GRB2: variants seen among roughly 807,000 people sequenced by gnomAD.
GRB2 encodes growth factor receptor bound protein 2, also known as growth factor receptor-bound protein 2.
In GRB2, 2 loss-of-function variants were observed where a neutral mutation model predicts 27.4. The ratio of observed to expected loss-of-function variants is 0.07; its 90% CI spans 0.03 to 0.23. GRB2 has a LOEUF of 0.23. GRB2 is among the 10% of genes least tolerant of loss of function. The pLI is 1.00. For missense variants in GRB2, 102 were observed against 282.4 expected (o/e 0.36, Z 4.58); for synonymous variants, 94 against 99.6 (o/e 0.94, Z 0.33).
rs143701820 is a variant in GRB2, at chr17:75,325,724, G to A, written c.299+174C>T. ...GTCCACATGGGAATCTACATCCAGT[G>A]CTTCTAGAACTCATTTTGAGAGGAG... is the stretch of plus-strand genomic sequence containing the variant. On this transcript the variant is annotated intron_variant, in intron 4 of 5. Transcript: ENST00000316804. 8.9e-3 allele frequency among the ~76,000 whole-genome samples: 1,353 copies of A among 152,316 alleles called. 17 individuals carry two copies. Among genetic ancestry groups the A allele is most frequent in the African/African-American group, 0.031 (1,271 of 41,556 alleles).
intron 4 of GRB2, 55 bp downstream of exon 4, chr17:75,325,843 C>A (rs2078495406): frequency 6.3e-7 from 1 of 1,598,062 alleles, no homozygotes; most frequent in Non-Finnish European, 8.6e-7. Flanking sequence ...AACGGCTTCA[C>A]AATTTGGATC....
chr17:75,401,382 T>G (rs1428762429), intron 1 of GRB2, among the ~76,000 whole-genome samples: 2 of 147,236 alleles, frequency 1.4e-5, no homozygotes, highest in Non-Finnish European at 3.0e-5. Context: ...GAAGCGGAGC[T>G]TGCAGTGAGC....
rs545327684 is a variant in GRB2 at position 75,389,426 on chromosome 17, ATAC to A, written c.78+4122_78+4124del. Among the ~76,000 whole-genome samples the A allele has an allele frequency of 1.6e-4, 24 of 152,342 alleles. No individual in the cohort carries two copies. The South Asian group carries it at 3.5e-3, about 22-fold the overall frequency. ...CAACCCGACTCAAGTATACCATCAA[ATAC>A]TACTAAGAATCACTACTACAAATCA... On this transcript the variant is annotated intron_variant, in intron 2 of 5. Transcript: ENST00000316804.
intron 2 of GRB2, among the ~76,000 whole-genome samples, chr17:75,336,988 T>C (rs2078581645): frequency 6.6e-6 from 1 of 152,234 alleles, no homozygotes; most frequent in African/African-American, 2.4e-5. Context: ...TCCACCTACC[T>C]TGGCCTCTCA....
chr17:75,369,754 G>A (rs1192327443), intron 2 of GRB2, among the ~76,000 whole-genome samples: 1 of 151,328 alleles, frequency 6.6e-6, no homozygotes, highest in East Asian at 1.9e-4. Flanking sequence ...CAGCTACTCA[G>A]GAGGCCGAGA....
At position 75,362,052 on chromosome 17, in the gene GRB2, A is replaced by G. The variant is rs928673520; in HGVS notation, c.79-29255T>C. ...AGAACCACATACATTGTGCCATAAT[A>G]ATCCTAAGAGTACCCACTGGCATTC... On this transcript the variant is annotated intron_variant, in intron 2 of 5. Coordinates refer to ENST00000316804, the MANE Select transcript of GRB2 (RefSeq NM_002086.5). Among the ~76,000 whole-genome samples the G allele has an allele frequency of 3.3e-5, 5 of 152,104 alleles. No homozygotes were observed. In the East Asian group the frequency reaches 7.7e-4, roughly 23 times the overall value.
chr17:75,358,289 A>T (rs1418650892), intron 2 of GRB2, among the ~76,000 whole-genome samples: 2 of 152,314 alleles, frequency 1.3e-5, no homozygotes, highest in Admixed American at 6.5e-5. Context: ...ATTTTACCTA[A>T]ATTGTTAGAA....
At chr17:75,324,366 A>AT (rs1156329058) in intron 4 of GRB2, among the ~76,000 whole-genome samples, 5,928 of 93,610 alleles carry the variant, frequency 0.063, 183 homozygotes, top group Non-Finnish European at 0.096. Flanking sequence ...CCATTTTTGT[A>AT]TTTTTTTTTT....
rs73996043 is a variant in GRB2, at chr17:75,369,118, T to G, written c.78+24433A>C. Among the ~76,000 whole-genome samples, 496 of 152,344 alleles carry G rather than the reference T, an allele frequency of 3.3e-3. 1 individual carries two copies. Among genetic ancestry groups the G allele is most frequent in the African/African-American group, 0.011 (462 of 41,584 alleles). ...GAACCCAGATAAGCTGGCTCCAGCC[T>G]AGGTCCTCTGTATCTGGCCTCTCCC... On this transcript the variant is annotated intron_variant, in intron 2 of 5. Coordinates refer to ENST00000316804, the MANE Select transcript of GRB2 (RefSeq NM_002086.5).
intron 2 of GRB2, among the ~76,000 whole-genome samples, chr17:75,366,952 C>A (rs2078823849): frequency 1.3e-5 from 2 of 151,658 alleles, no homozygotes; most frequent in Admixed American, 1.3e-4. Flanking sequence ...TATATACTAA[C>A]AAAAACTCAA....
chr17:75,393,731 A>G lies in GRB2; in HGVS notation c.-103T>C, dbSNP rs1333199139. On this transcript the variant is annotated 5_prime_UTR_variant, in exon 2 of 6. Transcript: ENST00000316804. Reference sequence around the variant, plus strand: ...GGCTTAGCCTCGCCTCTCTTCTGGGACTCGCTCCGGCACTCTGGGACACAC... The same window carrying G: ...GGCTTAGCCTCGCCTCTCTTCTGGGGCTCGCTCCGGCACTCTGGGACACAC... The G allele has an allele frequency of 7.0e-6, 6 of 853,802 alleles. No homozygotes were observed. Among genetic ancestry groups the G allele is most frequent in the African/African-American group, 3.3e-5 (2 of 59,920 alleles). 52.9% of individuals were successfully genotyped at this position (853,802 alleles called of 1,614,324 possible).
chr17:75,343,336 C>A (rs1191800428), intron 2 of GRB2, among the ~76,000 whole-genome samples: 1 of 152,014 alleles, frequency 6.6e-6, no homozygotes, highest in East Asian at 1.9e-4. Context: ...TCTGCAAGAC[C>A]TTGGATTTTT....
chr17:75,364,126 C>T (rs1431326850), intron 2 of GRB2, among the ~76,000 whole-genome samples: 1 of 152,042 alleles, frequency 6.6e-6, no homozygotes, highest in East Asian at 1.9e-4. Flanking sequence ...CAGTATGTTC[C>T]AAAAAATATT....
At chr17:75,401,438 C>T (rs946691425) in intron 1 of GRB2, among the ~76,000 whole-genome samples, 2 of 113,664 alleles carry the variant, frequency 1.8e-5, no homozygotes, top group Admixed American at 2.7e-4. Context: ...GGCGACAGAG[C>T]GAGACTCCGT....
intron 1 of GRB2, among the ~76,000 whole-genome samples, chr17:75,398,183 ACAAT>A (rs773747696): frequency 2.1e-4 from 32 of 152,346 alleles, no homozygotes; most frequent in Admixed American, 7.8e-4. Flanking sequence ...GCAAATTAAA[ACAAT>A]CAGAGTTTTC....
chr17:75,320,631 A>G lies in GRB2; in HGVS notation c.469-78T>C. The G allele has an allele frequency of 9.2e-7, 1 of 1,089,414 alleles. No individual in the cohort carries two copies. Among genetic ancestry groups the G allele is most frequent in the Non-Finnish European group, 1.4e-6 (1 of 726,428 alleles). The allele number at this position is 1,089,414 out of a possible 1,614,324, so 67.5% of individuals were successfully genotyped here. On this transcript the variant is annotated intron_variant, in intron 5 of 5. Transcript: ENST00000316804. The surrounding 1 kb of genome is among the most constrained non-coding windows in gnomAD (Gnocchi z 4.3). ...CCACCTCCGAGGCCAGATGGGTTCC[A>G]GGGGGAAACGAATGCGTGCCAAATT...
chr17:75,402,310 G>C (rs2079068809), intron 1 of GRB2, among the ~76,000 whole-genome samples: 1 of 152,172 alleles, frequency 6.6e-6, no homozygotes, highest in Admixed American at 6.6e-5. Context: ...TACAGACTCA[G>C]AAGAATTCTC....
At chr17:75,400,143 G>A (rs1226906870) in intron 1 of GRB2, among the ~76,000 whole-genome samples, 1 of 151,992 alleles carries the variant, frequency 6.6e-6, no homozygotes, top group Non-Finnish European at 1.5e-5. Flanking sequence ...GACTACAGGT[G>A]TGTGCCACCA....
chr17:75,322,482 A>G (rs1333473006), intron 4 of GRB2, among the ~76,000 whole-genome samples: 1 of 152,144 alleles, frequency 6.6e-6, no homozygotes, highest in African/African-American at 2.4e-5. Flanking sequence ...AAAATAATTA[A>G]AATCTTATAT....
Sources: gnomAD v4.1 joint callset for allele counts (sites outside exome capture counted in the v4.1 genomes callset) on GRCh38, gnomAD v4.1.1 for gene constraint, Gnocchi (gnomAD v3.1) non-coding constraint, MANE v1.5 for transcripts, NCBI Gene and HGNC (gene_info 2026-07-23, HGNC 2026-07-21) for gene names.